The following CREB5 variants were observed in gnomAD, a reference collection of about 807,000 sequenced individuals.
CREB5 encodes cAMP responsive element binding protein 5, also known as cyclic AMP-responsive element-binding protein 5.
In CREB5, 19 loss-of-function variants were observed where a neutral mutation model predicts 57.1. The observed-to-expected ratio is 0.33, with a 90% CI of 0.23 to 0.49. CREB5 has a LOEUF of 0.49. Ranked by LOEUF, CREB5 falls within the 20% of genes least tolerant of loss-of-function variation. The pLI, the probability that CREB5 is intolerant of heterozygous loss-of-function variation, is 0.99. For synonymous variants in CREB5, 238 were observed against 238.3 expected, an observed-to-expected ratio of 1.00 and a Z score of 0.01; for missense variants, 579 against 671.6, an observed-to-expected ratio of 0.86 and a Z score of 1.52.
intron 5 of CREB5, among the ~76,000 whole-genome samples, chr7:28,676,989 C>T (rs6978869): frequency 0.32 from 48,138 of 151,918 alleles, 8,039 homozygotes; most frequent in African/African-American, 0.41. Context: ...TTACTGTGAA[C>T]ACAGATGTTT....
intron 1 of CREB5, among the ~76,000 whole-genome samples, chr7:28,437,827 A>C (rs1789021131): frequency 6.6e-6 from 1 of 152,152 alleles, no homozygotes; most frequent in Non-Finnish European, 1.5e-5. Context: ...TGAAGGATTA[A>C]CATTTTCACT....
At chr7:28,588,820 G>A (rs528876373) in intron 5 of CREB5, among the ~76,000 whole-genome samples, 11 of 152,096 alleles carry the variant, frequency 7.2e-5, no homozygotes, top group Admixed American at 2.0e-4. Context: ...GTTTTCTCTC[G>A]GCATGAGAAT....
chr7:28,399,347 G>A lies in CREB5; in HGVS notation c.-24-95559G>A, dbSNP rs150712598. 2.2e-3 allele frequency among the ~76,000 whole-genome samples: 318 copies of A among 144,998 alleles called. 3 individuals are homozygous for A. The highest frequency in any genetic ancestry group is 7.8e-3 in the African/African-American group (304 of 39,216). The stretch of plus-strand genomic sequence containing the variant: ...CAGTCAACAGCCAAGGCAATCCTAA[G>A]CAAAAAGAACAAAGCCAGAAACATC... On this transcript the variant is annotated intron_variant, in intron 1 of 9. Transcript: ENST00000396299.
intron 5 of CREB5, among the ~76,000 whole-genome samples, chr7:28,626,044 C>T (rs1025453822): frequency 3.3e-5 from 5 of 152,140 alleles, no homozygotes; most frequent in African/African-American, 1.2e-4. Context: ...TGTTGCCTTT[C>T]TTCATTGGAG....
At chr7:28,445,622 G>A (rs554959690) in intron 1 of CREB5, among the ~76,000 whole-genome samples, 4 of 151,966 alleles carry the variant, frequency 2.6e-5, no homozygotes, top group East Asian at 3.9e-4. Flanking sequence ...CGCGATCTCG[G>A]CTCACTGCAA....
chr7:28,321,610 T>C (rs1039677500), intron 1 of CREB5, among the ~76,000 whole-genome samples: 2 of 152,098 alleles, frequency 1.3e-5, no homozygotes, highest in African/African-American at 4.8e-5. Flanking sequence ...TCCAGCCTTT[T>C]GCCAGGGGTG....
intron 5 of CREB5, among the ~76,000 whole-genome samples, chr7:28,672,930 T>A (rs1428469820): frequency 6.6e-6 from 1 of 152,228 alleles, no homozygotes; most frequent in Non-Finnish European, 1.5e-5. Flanking sequence ...TTCCATAAAT[T>A]TGAAGTAACC....
chr7:28,402,599 G>T (rs1053611493), intron 1 of CREB5, among the ~76,000 whole-genome samples: 1 of 152,188 alleles, frequency 6.6e-6, no homozygotes, highest in African/African-American at 2.4e-5. Flanking sequence ...AATAAATGGT[G>T]CTGGGAAAAC....
chr7:28,718,868 G>A lies in CREB5; in HGVS notation c.580G>A (p.Val194Ile), dbSNP rs762012177. 1.1e-5 allele frequency: 17 copies of A among 1,613,906 alleles called. No homozygotes were observed. Among genetic ancestry groups the A allele is most frequent in the Admixed American group, 6.7e-5 (4 of 59,992 alleles). ...CCCTACAATGCCAGGATCTTCCGCCGTCTTGATGCCAGTAAGTGTTTCTGT... is the reference window on the plus strand; with the variant it reads ...CCCTACAATGCCAGGATCTTCCGCCATCTTGATGCCAGTAAGTGTTTCTGT... ...PNPTMPGSSAVLMPMERQMSV... is the reference protein window; with the variant it reads ...PNPTMPGSSAILMPMERQMSV... Residue 194 changes from valine to isoleucine, a missense_variant, in exon 6 of 11, where the codon GTC (valine) becomes ATC (isoleucine). Around this residue, in one of 3 missense-constraint regions of CREB5, gnomAD observed 459 missense variants for 515.7 expected, o/e 0.89. Transcript: ENST00000357727.
intron 1 of CREB5, among the ~76,000 whole-genome samples, chr7:28,314,974 T>C (rs112626344): frequency 2.6e-5 from 4 of 152,300 alleles, no homozygotes; most frequent in African/African-American, 9.6e-5. Flanking sequence ...GACAGGAACA[T>C]ATTTTCCTGC....
chr7:28,626,704 G>A (rs935980250), intron 5 of CREB5, among the ~76,000 whole-genome samples: 3 of 152,198 alleles, frequency 2.0e-5, no homozygotes, highest in Non-Finnish European at 2.9e-5. Context: ...GCCAGGGAGA[G>A]AAGGAAGAGC....
chr7:28,375,052 T>C (rs987459607), intron 1 of CREB5, among the ~76,000 whole-genome samples: 6 of 152,256 alleles, frequency 3.9e-5, no homozygotes, highest in Middle Eastern at 3.4e-3. Flanking sequence ...GGAAATGGTT[T>C]AAAACTGGAT....
At chr7:28,414,255 T>C (rs933427060) in intron 1 of CREB5, among the ~76,000 whole-genome samples, 1 of 150,356 alleles carries the variant, frequency 6.7e-6, no homozygotes, top group East Asian at 2.0e-4. Flanking sequence ...CTTTTGCTTC[T>C]TACAAATTGG....
intron 1 of CREB5, among the ~76,000 whole-genome samples, chr7:28,352,840 G>T (rs1786261081): frequency 6.6e-6 from 1 of 152,162 alleles, no homozygotes; most frequent in Non-Finnish European, 1.5e-5. Context: ...GTCTTGGAAT[G>T]GTTCATTAAT....
intron 7 of CREB5, among the ~76,000 whole-genome samples, chr7:28,780,892 AT>A (rs11355231): frequency 0.28 from 42,098 of 152,050 alleles, 6,644 homozygotes; most frequent in South Asian, 0.41. Context: ...GTAGTTTTGC[AT>A]TTAAGATGAC....
At chr7:28,533,379 C>G (rs989737170) in intron 4 of CREB5, among the ~76,000 whole-genome samples, 1 of 152,114 alleles carries the variant, frequency 6.6e-6, no homozygotes. Flanking sequence ...ATGGCGAGAC[C>G]GCATAACTTG....
rs1809822112 is a variant in CREB5, at chr7:28,822,381, T to C, written c.*3102T>C. 1 of 152,522 alleles carries C rather than the reference T, an allele frequency of 6.6e-6. No homozygotes were observed. Among genetic ancestry groups the C allele is most frequent in the South Asian group, 2.1e-4 (1 of 4,820 alleles). The allele number at this position is 152,522 out of a possible 1,614,324, so 9.4% of individuals were successfully genotyped here. A position where few individuals can be genotyped will look rare whatever the true frequency, so the allele number is the denominator to read the frequency against. On this transcript the variant is annotated 3_prime_UTR_variant, in exon 11 of 11. Coordinates refer to ENST00000357727, the MANE Select transcript of CREB5 (RefSeq NM_182898.4). ...ACAGAATAATCAATCTGCCTGAAAATCCCTCCTCCTTGTCCTACACTTTTT... is the reference window on the plus strand; with the variant it reads ...ACAGAATAATCAATCTGCCTGAAAACCCCTCCTCCTTGTCCTACACTTTTT...
chr7:28,620,702 G>T (rs113106790), intron 5 of CREB5, among the ~76,000 whole-genome samples: 102 of 152,214 alleles, frequency 6.7e-4, no homozygotes, highest in African/African-American at 2.4e-3. Context: ...AGCCGCTACG[G>T]TCAAAGAGGA....
intron 9 of CREB5, among the ~76,000 whole-genome samples, chr7:28,812,487 A>G (rs928495680): frequency 8.5e-5 from 13 of 152,202 alleles, no homozygotes; most frequent in African/African-American, 3.1e-4. Flanking sequence ...TGGCTAAGGA[A>G]AAAAAGAAAC....
Sources: allele counts gnomAD v4.1 joint callset (sites outside exome capture counted in the v4.1 genomes callset), GRCh38; gene constraint gnomAD v4.1.1; regional missense constraint gnomAD v4.1.1; transcripts MANE v1.5; gene names NCBI Gene and HGNC (gene_info 2026-07-23, HGNC 2026-07-21).